USP39: variants seen among roughly 807,000 people sequenced by gnomAD.
USP39 encodes the protein ubiquitin specific peptidase 39.
Under a neutral mutation model 66.4 loss-of-function variants are expected in USP39, and 38 were observed. The ratio of observed to expected loss-of-function variants is 0.57; its 90% CI spans 0.44 to 0.75. The LOEUF is 0.75. USP39 is among the 30% of genes least tolerant of loss of function. The probability of loss-of-function intolerance (pLI) is 0.00; values close to 1 mark genes in which losing one functional copy is unlikely to be tolerated. For synonymous variants in USP39, 303 were observed against 274.6 expected, an observed-to-expected ratio of 1.10 and a Z score of -1.02; for missense variants, 608 against 714.4, an observed-to-expected ratio of 0.85 and a Z score of 1.70.
upstream of USP39, among the ~76,000 whole-genome samples, chr2:85,614,232 T>C (rs1169057483): frequency 1.3e-5 from 2 of 152,022 alleles, no homozygotes; most frequent in Non-Finnish European, 2.9e-5. Flanking sequence ...GAAAGTAAAG[T>C]AGCCAGGTGT....
At chr2:85,609,200 T>C, upstream of USP39, 1 of 1,332,216 alleles carries the variant, frequency 7.5e-7, no homozygotes, top group Non-Finnish European at 1.0e-6. Context: ...TTCCTATGTG[T>C]CTCCTGTAAT....
intron 1 of USP39, among the ~76,000 whole-genome samples, chr2:85,603,874 T>A (rs938487279): frequency 1.3e-5 from 2 of 152,212 alleles, no homozygotes; most frequent in Non-Finnish European, 2.9e-5. Context: ...ATTACAGGCG[T>A]GGGCCACTGC....
chr2:85,641,174 T>C (rs557388605), intron 10 of USP39, 56 bp downstream of exon 10: 2 of 1,600,790 alleles, frequency 1.2e-6, no homozygotes, highest in Admixed American at 1.7e-5. Context: ...ATTTCTTCTC[T>C]TGTATTTTTA....
At chr2:85,626,034 G>A (rs1008854531) in intron 5 of USP39, among the ~76,000 whole-genome samples, 2 of 149,242 alleles carry the variant, frequency 1.3e-5, no homozygotes, top group African/African-American at 2.5e-5. Flanking sequence ...AAAAAGAGAG[G>A]GACAGGAAAT....
chr2:85,644,831 C>G, intron 10 of USP39, 117 bp from the exon 11 acceptor site: 1 of 1,393,630 alleles, frequency 7.2e-7, no homozygotes, highest in Non-Finnish European at 9.7e-7. Context: ...GCAAGCCTAC[C>G]CAGAGAAAGG....
chr2:85,642,328 C>T (rs938417010), intron 10 of USP39, among the ~76,000 whole-genome samples: 1 of 152,174 alleles, frequency 6.6e-6, no homozygotes, highest in African/African-American at 2.4e-5. Context: ...AGTAGGATGA[C>T]AGAGGTGCTT....
chr2:85,611,938 C>A (rs1206119288), upstream of USP39: 1 of 1,585,598 alleles, frequency 6.3e-7, no homozygotes. Flanking sequence ...CAGCCGCCCC[C>A]CAGGCTTGCA....
chr2:85,632,147 C>G (rs1253471957), intron 6 of USP39, among the ~76,000 whole-genome samples: 1 of 152,178 alleles, frequency 6.6e-6, no homozygotes, highest in Non-Finnish European at 1.5e-5. Context: ...ATATGGTATC[C>G]TCTAGCATCT....
At chr2:85,617,585 C>T (rs1466192748) in intron 1 of USP39, among the ~76,000 whole-genome samples, 2 of 152,112 alleles carry the variant, frequency 1.3e-5, no homozygotes, top group Non-Finnish European at 2.9e-5. Context: ...CCTGTAATCG[C>T]AGCTACTCTA....
intron 4 of USP39, among the ~76,000 whole-genome samples, 187 bp from the exon 5 acceptor site, chr2:85,625,352 A>C (rs1674770622): frequency 6.6e-6 from 1 of 152,198 alleles, no homozygotes; most frequent in Non-Finnish European, 1.5e-5. Flanking sequence ...ATCCCCTTGT[A>C]GATTAGCCAT....
At chr2:85,604,877 G>C (rs1673162325) in intron 1 of USP39, among the ~76,000 whole-genome samples, 2 of 152,228 alleles carry the variant, frequency 1.3e-5, no homozygotes, top group South Asian at 4.1e-4. Flanking sequence ...AACATGATGT[G>C]GGGGCAAGGC....
chr2:85,616,253 G>A lies in USP39; in HGVS notation c.58G>A (p.Glu20Lys). The stretch of plus-strand genomic sequence containing the variant: ...TTCCACTCGCGGGAAGCGAGAGTCT[G>A]AGTCGCGGGGCAGCTCCGGTCGCGT... Reference protein sequence around the residue: ...RGSTRGKRESESRGSSGRVKR... With the variant: ...RGSTRGKRESKSRGSSGRVKR... The change falls in exon 1 of 13, where the codon GAG becomes AAG. Residue 20 changes from glutamate (E) to lysine (K), a missense_variant. Physicochemically the swap from Glu to Lys is moderately conservative, Grantham distance 56. Around this residue, in one of 6 missense-constraint regions of USP39, gnomAD observed 207 missense variants for 145.7 expected, o/e 1.42. Transcript: ENST00000323701. 6.6e-7 allele frequency: 1 copy of A among 1,509,854 alleles called. No individual in the cohort carries two copies. The highest frequency in any genetic ancestry group is 8.9e-7 in the Non-Finnish European group (1 of 1,127,086). The allele number at this position is 1,509,854 out of a possible 1,614,324, so 93.5% of individuals were successfully genotyped here. A position where few individuals can be genotyped will look rare whatever the true frequency, so the allele number is the denominator to read the frequency against.
chr2:85,648,967 G>T lies in USP39; in HGVS notation c.*159G>T. 1 of 773,424 alleles carries T rather than the reference G, an allele frequency of 1.3e-6. No individual in the cohort carries two copies. The highest frequency in any genetic ancestry group is 2.2e-6 in the Non-Finnish European group (1 of 456,474). The allele number at this position is 773,424 out of a possible 1,614,324, so 47.9% of individuals were successfully genotyped here. On this transcript the variant is annotated 3_prime_UTR_variant, in exon 13 of 13. Coordinates refer to ENST00000323701, the MANE Select transcript of USP39 (RefSeq NM_006590.4). ...CAGAGCACCAAGAGCCCACTTGCCT[G>T]GGATGGCCCCACACTGTCACTCAGC...
intron 9 of USP39, 49 bp from the exon 10 acceptor site, chr2:85,640,925 AAT>A: frequency 6.5e-7 from 1 of 1,542,658 alleles, no homozygotes; most frequent in South Asian, 1.2e-5. Context: ...CCCCTGCTCT[AAT>A]ACTACTGAAC....
upstream of USP39, chr2:85,608,983 TA>T (rs1248578068): frequency 1.2e-6 from 2 of 1,614,234 alleles, no homozygotes; most frequent in Non-Finnish European, 1.7e-6. Flanking sequence ...TCCTCCTGGA[TA>T]CGCAACTTGA....
chr2:85,625,449 A>AGTGTTTT (rs1416240714), intron 4 of USP39, 90 bp from the exon 5 acceptor site: 1 of 1,555,360 alleles, frequency 6.4e-7, no homozygotes, highest in African/African-American at 1.4e-5. Context: ...TTCATGGCCA[A>AGTGTTTT]GTGTTTTTTG....
intron 2 of USP39, chr2:85,621,222 T>TG (rs1674432440): frequency 3.6e-6 from 1 of 281,530 alleles, no homozygotes; most frequent in African/African-American, 2.2e-5. Context: ...GTGACTGCAA[T>TG]GGAAAGTCCT....
intron 3 of USP39, among the ~76,000 whole-genome samples, chr2:85,622,366 A>G (rs992498072): frequency 2.6e-5 from 4 of 151,284 alleles, no homozygotes; most frequent in African/African-American, 9.7e-5. Context: ...TAAGTGATCC[A>G]TACTCCTCAG....
Position 85,623,724 on chromosome 2 carries a change from A to C in USP39, c.512A>C (p.Lys171Thr). 6.2e-7 allele frequency: 1 copy of C among 1,613,860 alleles called. No homozygotes were observed. Reference sequence around the variant, plus strand: ...GTTTTCCTCAACCTCCACACCCTCAAGTTTTACTGCCTTCCAGACAACTAT... The same window carrying C: ...GTTTTCCTCAACCTCCACACCCTCACGTTTTACTGCCTTCCAGACAACTAT... ...HHVFLNLHTL[K>T]FYCLPDNYEI... The change falls in exon 4 of 13, where the codon AAG becomes ACG. Residue 171 changes from lysine to threonine, a missense_variant. Lys to Thr is a moderately conservative substitution (Grantham distance 78). Around this residue, in one of 6 missense-constraint regions of USP39, gnomAD observed 115 missense variants for 198.6 expected, o/e 0.58. Coordinates refer to ENST00000323701, the MANE Select transcript of USP39 (RefSeq NM_006590.4).
Sources: gnomAD v4.1 joint callset for allele counts (sites outside exome capture counted in the v4.1 genomes callset) on GRCh38, gnomAD v4.1.1 for gene constraint, gnomAD v4.1.1 regional missense constraint, MANE v1.5 for transcripts, NCBI Gene and HGNC (gene_info 2026-07-23, HGNC 2026-07-21) for gene names.